GPC6: variants seen among roughly 807,000 people sequenced by gnomAD.
GPC6 encodes glypican 6, also known as glypican-6.
GPC6 carries 14 observed loss-of-function variants against 55.2 expected under a neutral mutation model. That is an observed-to-expected ratio of 0.25 (90% confidence interval 0.17 to 0.40). The LOEUF (loss-of-function observed/expected upper bound fraction) is 0.40. GPC6 is among the 10% of genes least tolerant of loss of function. The pLI is 1.00. For synonymous variants in GPC6, 278 were observed against 259.6 expected, an observed-to-expected ratio of 1.07 and a Z score of -0.68; for missense variants, 641 against 708.5, an observed-to-expected ratio of 0.90 and a Z score of 1.08.
At chr13:93,796,905 C>T (rs1886212729) in intron 2 of GPC6, among the ~76,000 whole-genome samples, 1 of 71,504 alleles carries the variant, frequency 1.4e-5, no homozygotes, top group South Asian at 3.4e-4. Context: ...CCCTGATGCA[C>T]ACCAGTTTCA....
chr13:93,362,308 G>C (rs4773739), intron 1 of GPC6, among the ~76,000 whole-genome samples: 11,236 of 152,152 alleles, frequency 0.074, 488 homozygotes, highest in East Asian at 0.12. Context: ...TGGTTCCTCT[G>C]AATGTAACCC....
At chr13:93,374,578 C>T (rs1874808663) in intron 1 of GPC6, among the ~76,000 whole-genome samples, 2 of 152,182 alleles carry the variant, frequency 1.3e-5, no homozygotes, top group Admixed American at 1.3e-4. Context: ...TTAAATACTA[C>T]TACTGTGGCC....
intron 4 of GPC6, among the ~76,000 whole-genome samples, chr13:94,060,874 G>A (rs933532198): frequency 5.3e-5 from 8 of 152,036 alleles, no homozygotes; most frequent in Non-Finnish European, 1.0e-4. Flanking sequence ...GCTCTCTTTT[G>A]CAAGGTGCTG....
chr13:94,097,955 C>G (rs1885725643), intron 4 of GPC6, among the ~76,000 whole-genome samples: 1 of 151,970 alleles, frequency 6.6e-6, no homozygotes, highest in Non-Finnish European at 1.5e-5. Context: ...AAAACCACAC[C>G]AGGAAATTGC....
intron 1 of GPC6, among the ~76,000 whole-genome samples, chr13:93,232,609 G>C (rs1876098462): frequency 6.6e-6 from 1 of 152,090 alleles, no homozygotes; most frequent in Admixed American, 6.5e-5. Flanking sequence ...CTTAATAATA[G>C]CTTGTGAGTA....
At chr13:94,256,502 T>C (rs1891508027) in intron 4 of GPC6, among the ~76,000 whole-genome samples, 1 of 152,160 alleles carries the variant, frequency 6.6e-6, no homozygotes, top group African/African-American at 2.4e-5. Context: ...CACTGTACTT[T>C]TGTCAGTGTC....
At chr13:93,930,828 A>G (rs1398562025) in intron 3 of GPC6, among the ~76,000 whole-genome samples, 1 of 152,098 alleles carries the variant, frequency 6.6e-6, no homozygotes, top group Non-Finnish European at 1.5e-5. Flanking sequence ...TTATAAAGAA[A>G]AGTGGTTTAA....
At chr13:93,921,941 G>A in intron 3 of GPC6, among the ~76,000 whole-genome samples, 1 of 150,818 alleles carries the variant, frequency 6.6e-6, no homozygotes, top group South Asian at 2.1e-4. Context: ...TATGCTAAGT[G>A]CCTGTGGGAG....
At chr13:93,301,857 A>G (rs1878693342) in intron 1 of GPC6, among the ~76,000 whole-genome samples, 1 of 152,086 alleles carries the variant, frequency 6.6e-6, no homozygotes, top group Non-Finnish European at 1.5e-5. Context: ...TGATGTCTAT[A>G]AATGGTGGAC....
intron 4 of GPC6, among the ~76,000 whole-genome samples, chr13:94,047,093 A>C (rs1018666555): frequency 6.6e-6 from 1 of 152,124 alleles, no homozygotes; most frequent in African/African-American, 2.4e-5. Context: ...GCCAAGTACT[A>C]GTTTCTCTAC....
intron 4 of GPC6, among the ~76,000 whole-genome samples, chr13:94,255,511 C>T (rs1031713449): frequency 6.6e-6 from 1 of 152,160 alleles, no homozygotes; most frequent in African/African-American, 2.4e-5. Context: ...ACAACCTGAA[C>T]TTCTTGAAAT....
intron 6 of GPC6, among the ~76,000 whole-genome samples, chr13:94,333,594 G>C (rs1877534103): frequency 6.6e-6 from 1 of 152,144 alleles, no homozygotes; most frequent in African/African-American, 2.4e-5. Flanking sequence ...GTAAGACATT[G>C]GGCAGTTTTG....
At chr13:93,722,384 A>C (rs1222350871) in intron 2 of GPC6, among the ~76,000 whole-genome samples, 2 of 151,984 alleles carry the variant, frequency 1.3e-5, no homozygotes, top group East Asian at 3.9e-4. Context: ...AAATACTTCC[A>C]AATTTTACTG....
chr13:93,648,745 A>G (rs1364654764), intron 2 of GPC6, among the ~76,000 whole-genome samples: 1 of 152,208 alleles, frequency 6.6e-6, no homozygotes, highest in Non-Finnish European at 1.5e-5. Flanking sequence ...ATCTTGTAGC[A>G]TACACTGAGA....
At chr13:93,527,017 T>A (rs1433422833) in intron 1 of GPC6, among the ~76,000 whole-genome samples, 2 of 152,080 alleles carry the variant, frequency 1.3e-5, no homozygotes, top group African/African-American at 4.8e-5. Flanking sequence ...CTAAGCATTG[T>A]GTTTTTATTC....
At chr13:93,300,424 G>A (rs537788410) in intron 1 of GPC6, among the ~76,000 whole-genome samples, 19 of 152,058 alleles carry the variant, frequency 1.2e-4, no homozygotes, top group Admixed American at 2.0e-4. Context: ...CGAGGCGGGC[G>A]GATCACGAGG....
At chr13:93,666,069 G>A (rs570182410) in intron 2 of GPC6, among the ~76,000 whole-genome samples, 1 of 152,134 alleles carries the variant, frequency 6.6e-6, no homozygotes, top group African/African-American at 2.4e-5. Flanking sequence ...TATACTAATT[G>A]TTGAATGAAC....
intron 3 of GPC6, among the ~76,000 whole-genome samples, chr13:93,989,610 G>A (rs1308984900): frequency 2.6e-5 from 4 of 152,140 alleles, no homozygotes; most frequent in Non-Finnish European, 4.4e-5. Context: ...TGTGGAGATA[G>A]GGGGAGATGA....
At chr13:93,460,300 A>G (rs1878630646) in intron 1 of GPC6, among the ~76,000 whole-genome samples, 1 of 152,172 alleles carries the variant, frequency 6.6e-6, no homozygotes. Flanking sequence ...TGGTTCTTCA[A>G]CCTTGGGGAA....
Sources: gnomAD v4.1 joint callset for allele counts (sites outside exome capture counted in the v4.1 genomes callset) on GRCh38, gnomAD v4.1.1 for gene constraint, MANE v1.5 for transcripts, NCBI Gene and HGNC (gene_info 2026-07-23, HGNC 2026-07-21) for gene names.